PGR: variants seen among roughly 807,000 people sequenced by gnomAD.
PGR encodes progesterone receptor.
PGR carries 25 observed loss-of-function variants against 76.1 expected under a neutral mutation model. The observed-to-expected ratio is 0.33, with a 90% CI of 0.24 to 0.46. The LOEUF is 0.46. Among genes scored for constraint, PGR ranks in the 20% least tolerant of loss-of-function variants. The pLI, the probability that PGR is intolerant of heterozygous loss-of-function variation, is 1.00. For synonymous variants in PGR, 579 were observed against 535.0 expected, an observed-to-expected ratio of 1.08 and a Z score of -1.14; for missense variants, 1,172 against 1,225.3, an observed-to-expected ratio of 0.96 and a Z score of 0.65.
At chr11:101,056,041 A>G (rs576673018) in intron 4 of PGR, among the ~76,000 whole-genome samples, 1 of 152,220 alleles carries the variant, frequency 6.6e-6, no homozygotes, top group Non-Finnish European at 1.5e-5. Context: ...TGCCTAGTAT[A>G]GAAATGCTAT....
Position 101,036,158 on chromosome 11 carries a change from G to A in PGR, c.*2958C>T. ...CTGTGGATAATTTAAGTTACAGGTT[G>A]ACATTCCATGGCTACTTACAAGGCA... On this transcript the variant is annotated 3_prime_UTR_variant, in exon 8 of 8. Transcript: ENST00000325455. The A allele has an allele frequency of 4.5e-6, 1 of 219,832 alleles. No homozygotes were observed. The allele number at this position is 219,832 out of a possible 1,614,324, so 13.6% of individuals were successfully genotyped here.
intron 3 of PGR, among the ~76,000 whole-genome samples, chr11:101,077,890 G>A (rs547226573): frequency 6.6e-6 from 1 of 152,284 alleles, no homozygotes; most frequent in South Asian, 2.1e-4. Flanking sequence ...AAGATTCTGT[G>A]AGGTCTAGAG....
In PGR at chr11:101,038,082, T is replaced by C. The variant is rs188856606; in HGVS notation, c.*1034A>G. 1 of 200,114 alleles carries C rather than the reference T, an allele frequency of 5.0e-6. No homozygotes were observed. Among genetic ancestry groups the C allele is most frequent in the African/African-American group, 2.3e-5 (1 of 43,660 alleles). 12.4% of individuals were successfully genotyped at this position (200,114 alleles called of 1,614,324 possible). A position where few individuals can be genotyped will look rare whatever the true frequency, so the allele number is the denominator to read the frequency against. On this transcript the variant is annotated 3_prime_UTR_variant, in exon 8 of 8. Coordinates refer to ENST00000325455, the MANE Select transcript of PGR (RefSeq NM_000926.4). ...AAGGGGGAAAATTCTGGAAGAAATTTCATGGTAAAAAGATTTGCATGGCTG... is the reference window on the plus strand; with the variant it reads ...AAGGGGGAAAATTCTGGAAGAAATTCCATGGTAAAAAGATTTGCATGGCTG...
rs551641516 is a variant in PGR, at chr11:101,066,409, C to T, written c.1907-3657G>A. ...TCTCTGTCTAGCTCTTTTTCATCTTCTCAACTTCTAAATCTTTGAGTACAC... is the reference window on the plus strand; with the variant it reads ...TCTCTGTCTAGCTCTTTTTCATCTTTTCAACTTCTAAATCTTTGAGTACAC... On this transcript the variant is annotated intron_variant, in intron 3 of 7. Transcript: ENST00000325455. Among the ~76,000 whole-genome samples the T allele has an allele frequency of 2.0e-5, 3 of 152,246 alleles. No individual in the cohort carries two copies. In the South Asian group the frequency reaches 6.2e-4, roughly 32 times the overall value.
rs1193662998 is a variant in PGR at position 101,036,055 on chromosome 11, G to C, written c.*3061C>G. 6 of 222,350 alleles carry C rather than the reference G, an allele frequency of 2.7e-5. No individual in the cohort carries two copies. Among genetic ancestry groups the C allele is most frequent in the Non-Finnish European group, 2.7e-5 (3 of 111,478 alleles). 13.8% of individuals were successfully genotyped at this position (222,350 alleles called of 1,614,324 possible). A position where few individuals can be genotyped will look rare whatever the true frequency, so the allele number is the denominator to read the frequency against. On this transcript the variant is annotated 3_prime_UTR_variant, in exon 8 of 8. Coordinates refer to ENST00000325455, the MANE Select transcript of PGR (RefSeq NM_000926.4). Reference sequence around the variant, plus strand: ...TAAATGACTTGCTTAATCTCATCCAGCTAGTAAGTGGCAGAGAAGGGGGGC... The same window carrying C: ...TAAATGACTTGCTTAATCTCATCCACCTAGTAAGTGGCAGAGAAGGGGGGC...
At chr11:101,076,662 G>GT (rs1861138150) in intron 3 of PGR, among the ~76,000 whole-genome samples, 1 of 151,682 alleles carries the variant, frequency 6.6e-6, no homozygotes, top group African/African-American at 2.4e-5. Flanking sequence ...GATATGAAAG[G>GT]TTTTTGAGAG....
In PGR at chr11:101,029,848, T is replaced by C. The variant is rs1256908638; in HGVS notation, c.*9268A>G. 5 of 221,200 alleles carry C rather than the reference T, an allele frequency of 2.3e-5. No individual in the cohort carries two copies. Among genetic ancestry groups the C allele is most frequent in the Non-Finnish European group, 4.5e-5 (5 of 110,544 alleles). The allele number at this position is 221,200 out of a possible 1,614,324, so 13.7% of individuals were successfully genotyped here. A position where few individuals can be genotyped will look rare whatever the true frequency, so the allele number is the denominator to read the frequency against. ...AAAAACAGAGATGGGATTTTGCATA[T>C]TAGCTTGAAAATAAGTATATGATGA... On this transcript the variant is annotated 3_prime_UTR_variant, in exon 8 of 8. Coordinates refer to ENST00000325455, the MANE Select transcript of PGR (RefSeq NM_000926.4).
chr11:101,098,134 A>G (rs1591412081), intron 2 of PGR, among the ~76,000 whole-genome samples: 1 of 152,198 alleles, frequency 6.6e-6, no homozygotes, highest in Non-Finnish European at 1.5e-5. Flanking sequence ...TCAAAATGTG[A>G]TTAGATCATT....
intron 4 of PGR, among the ~76,000 whole-genome samples, chr11:101,061,589 C>T (rs1331002298): frequency 6.6e-6 from 1 of 152,096 alleles, no homozygotes; most frequent in Non-Finnish European, 1.5e-5. Context: ...AATTCTTGAT[C>T]AGATATTAGA....
rs143982429 is a variant in PGR at position 101,121,731 on chromosome 11, G to A, written c.1789+4276C>T. ...CTCCACCACCACACTATAAACTTTAGTCAACAGCCAGCAAGGTCTCTCGTT... is the reference window on the plus strand; with the variant it reads ...CTCCACCACCACACTATAAACTTTAATCAACAGCCAGCAAGGTCTCTCGTT... On this transcript the variant is annotated intron_variant, in intron 2 of 7. Transcript: ENST00000325455. 4.3e-3 allele frequency among the ~76,000 whole-genome samples: 650 copies of A among 152,252 alleles called. 8 individuals are homozygous for A. The highest frequency in any genetic ancestry group is 0.014 in the African/African-American group (600 of 41,538).
chr11:101,096,620 G>A (rs978324877), intron 2 of PGR, among the ~76,000 whole-genome samples: 2 of 152,118 alleles, frequency 1.3e-5, no homozygotes, highest in Admixed American at 6.5e-5. Context: ...TCAGGCACAA[G>A]TGCATTAGCC....
chr11:101,095,977 G>A (rs1861819116), intron 2 of PGR, among the ~76,000 whole-genome samples: 2 of 152,134 alleles, frequency 1.3e-5, no homozygotes, highest in South Asian at 2.1e-4. Context: ...CAACAGATAC[G>A]TTATAGCAGA....
intron 3 of PGR, among the ~76,000 whole-genome samples, chr11:101,091,311 A>G (rs1861667258): frequency 6.6e-6 from 1 of 152,216 alleles, no homozygotes; most frequent in Non-Finnish European, 1.5e-5. Flanking sequence ...GCTTTAATCA[A>G]TCACTTGGAG....
intron 3 of PGR, among the ~76,000 whole-genome samples, chr11:101,072,201 C>A (rs1565344311): frequency 6.6e-6 from 1 of 152,146 alleles, no homozygotes; most frequent in East Asian, 1.9e-4. Flanking sequence ...GAATTTTCAA[C>A]CCAGAATTTC....
chr11:101,078,696 T>A (rs11571197), intron 3 of PGR, among the ~76,000 whole-genome samples: 3 of 152,256 alleles, frequency 2.0e-5, no homozygotes, highest in East Asian at 3.9e-4. Flanking sequence ...AAAACATAAT[T>A]TTTATAATCA....
At position 101,127,836 on chromosome 11, in the gene PGR, G is replaced by A; in HGVS notation, c.1235C>T (p.Ala412Val). ...CCCCAACGGGAAATCCGGGAAGGCT[G>A]CGGGGTTGGCACCGGCCACAAGGTA... The part of the protein sequence containing the change: ...RSYLVAGANP[A>V]AFPDFPLGPP... The change falls in exon 1 of 8, where the codon GCA becomes GTA. Residue 412 changes from alanine to valine, a missense_variant. Around this residue, in one of 4 missense-constraint regions of PGR, gnomAD observed 893 missense variants for 785.9 expected, o/e 1.14. Transcript: ENST00000325455. The A allele has an allele frequency of 6.3e-7, 1 of 1,582,882 alleles. No homozygotes were observed. The highest frequency in any genetic ancestry group is 1.1e-5 in the South Asian group (1 of 89,400).
chr11:101,086,468 A>T (rs1861502947), intron 3 of PGR, among the ~76,000 whole-genome samples: 1 of 152,146 alleles, frequency 6.6e-6, no homozygotes. Context: ...AAAATGACAA[A>T]CTCACAACCA....
At chr11:101,090,159 T>A (rs975871537) in intron 3 of PGR, among the ~76,000 whole-genome samples, 3 of 151,852 alleles carry the variant, frequency 2.0e-5, no homozygotes, top group African/African-American at 7.3e-5. Context: ...GATTGCACCA[T>A]TGCACTCCAG....
rs10556132 is a variant in PGR, at chr11:101,064,331, C to CAAAAAAAAAAA, written c.1907-1590_1907-1580dup. On this transcript the variant is annotated intron_variant, in intron 3 of 7. Coordinates refer to ENST00000325455, the MANE Select transcript of PGR (RefSeq NM_000926.4). Reference sequence around the variant, plus strand: ...AGGTGACAAGGGAGAAACTCCACCTCAAAAAAAAAAAAAAAAAAAAAAAAA... The same window carrying CAAAAAAAAAAA: ...AGGTGACAAGGGAGAAACTCCACCTCAAAAAAAAAAAAAAAAAAAAAAAAAAAAAAAAAAAA... 7.6e-4 allele frequency among the ~76,000 whole-genome samples: 30 copies of CAAAAAAAAAAA among 39,448 alleles called. 4 individuals carry two copies. Among genetic ancestry groups the CAAAAAAAAAAA allele is most frequent in the African/African-American group, 1.7e-3 (12 of 7,248 alleles). The allele number at this position is 39,448 out of a possible 152,430, so 25.9% of individuals were successfully genotyped here. A position where few individuals can be genotyped will look rare whatever the true frequency, so the allele number is the denominator to read the frequency against.
Sources: gnomAD v4.1 joint callset for allele counts (sites outside exome capture counted in the v4.1 genomes callset) on GRCh38, gnomAD v4.1.1 for gene constraint, gnomAD v4.1.1 regional missense constraint, MANE v1.5 for transcripts, NCBI Gene and HGNC (gene_info 2026-07-23, HGNC 2026-07-21) for gene names.